Variants in CCDC88C observed in about 807,000 individuals in gnomAD.
CCDC88C encodes protein Daple.
Under a neutral mutation model 198.8 loss-of-function variants are expected in CCDC88C, and 131 were observed. The ratio of observed to expected loss-of-function variants is 0.66; its 90% CI spans 0.57 to 0.76. The LOEUF (loss-of-function observed/expected upper bound fraction) is 0.76. CCDC88C is among the 30% of genes least tolerant of loss of function. The probability of loss-of-function intolerance (pLI) is 0.00; values close to 1 mark genes in which losing one functional copy is unlikely to be tolerated. For missense variants in CCDC88C, 2,553 were observed against 2,631.6 expected, an observed-to-expected ratio of 0.97 and a Z score of 0.65; for synonymous variants, 1,166 against 1,114.7, an observed-to-expected ratio of 1.05 and a Z score of -0.92.
chr14:91,306,198 C>T (rs1365324101), intron 18 of CCDC88C, among the ~76,000 whole-genome samples: 1 of 152,174 alleles, frequency 6.6e-6, no homozygotes, highest in Non-Finnish European at 1.5e-5. Context: ...TCCTTTGTCT[C>T]TTTAATGCTT....
intron 28 of CCDC88C, 55 bp from the exon 29 acceptor site, chr14:91,278,266 T>A: frequency 6.6e-7 from 1 of 1,516,622 alleles, no homozygotes; most frequent in Non-Finnish European, 8.9e-7. Context: ...AGCCCTCTGG[T>A]GGCTTCTAGA....
chr14:91,351,397 C>G (rs1247566189), intron 4 of CCDC88C, among the ~76,000 whole-genome samples: 2 of 152,208 alleles, frequency 1.3e-5, no homozygotes, highest in African/African-American at 4.8e-5. Flanking sequence ...TCTGAGGGCC[C>G]TCCTGAGGGC....
In CCDC88C at chr14:91,289,208, C is replaced by T. The variant is rs776494698; in HGVS notation, c.4338G>A (p.Ala1446=). Residue 1446 remains alanine (A), a synonymous_variant, in exon 25 of 30, where the codon GCG becomes GCA. Coordinates refer to ENST00000389857, the MANE Select transcript of CCDC88C (RefSeq NM_001080414.4). ...QLESSDPASP[A]ASQPLRSQAE... Reference sequence around the variant, plus strand: ...CCTGTGATCTGAGCGGCTGAGAGGCCGCCGGCGAGGCGGGGTCTGAGGACT... The same window carrying T: ...CCTGTGATCTGAGCGGCTGAGAGGCTGCCGGCGAGGCGGGGTCTGAGGACT... 24 of 1,613,952 alleles carry T rather than the reference C, an allele frequency of 1.5e-5. No homozygotes were observed. Among genetic ancestry groups the T allele is most frequent in the South Asian group, 5.5e-5 (5 of 91,082 alleles).
At chr14:91,358,324 T>C (rs1477323460) in intron 4 of CCDC88C, among the ~76,000 whole-genome samples, 1 of 152,196 alleles carries the variant, frequency 6.6e-6, no homozygotes, top group Non-Finnish European at 1.5e-5. Context: ...CGAGTCCCTT[T>C]TGGAAATGTC....
At chr14:91,364,543 G>T (rs780495489) in intron 3 of CCDC88C, among the ~76,000 whole-genome samples, 1 of 152,092 alleles carries the variant, frequency 6.6e-6, no homozygotes, top group Non-Finnish European at 1.5e-5. Context: ...TCTCACAAGG[G>T]GAGAGGGCCC....
Position 91,300,543 on chromosome 14 carries a change from C to T in CCDC88C, c.3636-473G>A, listed in dbSNP as rs181564842. Among the ~76,000 whole-genome samples, 19 of 152,346 alleles carry T rather than the reference C, an allele frequency of 1.2e-4. No homozygotes were observed. In the East Asian group the frequency reaches 3.7e-3, roughly 29 times the overall value. ...AAGGGCTGGAGAAGCCTCTCCCTCT[C>T]CCCTTAGGAGCCTGCATCCACTTGT... On this transcript the variant is annotated intron_variant, in intron 20 of 29. Transcript: ENST00000389857.
intron 3 of CCDC88C, among the ~76,000 whole-genome samples, chr14:91,362,500 GT>G (rs1454870358): frequency 6.6e-6 from 1 of 152,212 alleles, no homozygotes; most frequent in Non-Finnish European, 1.5e-5. Flanking sequence ...TTATGTGAAT[GT>G]TAATCTAAGC....
intron 4 of CCDC88C, among the ~76,000 whole-genome samples, chr14:91,354,727 G>A (rs1179601636): frequency 6.6e-6 from 1 of 152,142 alleles, no homozygotes; most frequent in Non-Finnish European, 1.5e-5. Context: ...TATTTACTGA[G>A]CACCTACTAC....
intron 3 of CCDC88C, among the ~76,000 whole-genome samples, chr14:91,389,089 A>T (rs1885321886): frequency 6.6e-6 from 1 of 152,220 alleles, no homozygotes; most frequent in Non-Finnish European, 1.5e-5. Flanking sequence ...TGAAGTACAC[A>T]GAGACACTCC....
chr14:91,319,851 C>G (rs1892272426), intron 13 of CCDC88C, among the ~76,000 whole-genome samples: 1 of 151,906 alleles, frequency 6.6e-6, no homozygotes. Context: ...CATGGCAAAA[C>G]CCCGTCTCTA....
rs1179685333 is a variant in CCDC88C at position 91,303,904 on chromosome 14, C to T, written c.3432G>A (p.Thr1144=). 8.7e-6 allele frequency: 14 copies of T among 1,612,676 alleles called. No individual in the cohort carries two copies. Among genetic ancestry groups the T allele is most frequent in the Non-Finnish European group, 1.1e-5 (13 of 1,179,884 alleles). ...AQYTLLQNHH[T]AKETENESLQ... ...GGCTTTCGTTCTCCGTCTCCTTGGCCGTGTGGTGGTTCTGCAGCAGCGTGT... is the reference window on the plus strand; with the variant it reads ...GGCTTTCGTTCTCCGTCTCCTTGGCTGTGTGGTGGTTCTGCAGCAGCGTGT... Residue 1144 remains threonine (T), a synonymous_variant, in exon 20 of 30, where the codon ACG becomes ACA. Transcript: ENST00000389857.
chr14:91,271,811 C>T lies in CCDC88C; in HGVS notation c.*814G>A, dbSNP rs967429537. On this transcript the variant is annotated 3_prime_UTR_variant, in exon 30 of 30. Transcript: ENST00000389857. The stretch of plus-strand genomic sequence containing the variant: ...ACCTCGCTCTGTGCGGATGACCCCT[C>T]GGTGCACTGTGCACACTGGCCTGGA... 28 of 152,648 alleles carry T rather than the reference C, an allele frequency of 1.8e-4. No individual in the cohort carries two copies. Among genetic ancestry groups the T allele is most frequent in the African/African-American group, 6.0e-4 (25 of 41,472 alleles). 9.5% of individuals were successfully genotyped at this position (152,648 alleles called of 1,614,324 possible).
intron 20 of CCDC88C, 131 bp downstream of exon 20, chr14:91,303,570 C>G: frequency 1.0e-6 from 1 of 955,686 alleles, no homozygotes; most frequent in Non-Finnish European, 1.5e-6. Context: ...CCAGGCTCCA[C>G]CCATCTTCCC....
chr14:91,339,941 C>G lies in CCDC88C; in HGVS notation c.567G>C (p.Ser189=). ...TCCGCAGGTGGAGCACCATGCTCCTCGACAGGGCCTCCAGCTCCTCCGGAG... is the reference window on the plus strand; with the variant it reads ...TCCGCAGGTGGAGCACCATGCTCCTGGACAGGGCCTCCAGCTCCTCCGGAG... ...DVAPEELEAL[S]RSMVLHLRRL... is the part of the protein sequence containing the mutation. Residue 189 remains serine (S), a synonymous_variant, in exon 7 of 30, where the codon TCG becomes TCC. Transcript: ENST00000389857. The surrounding 1 kb of genome is among the most constrained non-coding windows in gnomAD (Gnocchi z 5.8). 1 of 1,597,972 alleles carries G rather than the reference C, an allele frequency of 6.3e-7. No individual in the cohort carries two copies. The highest frequency in any genetic ancestry group is 1.3e-5 in the African/African-American group (1 of 74,652).
intron 3 of CCDC88C, among the ~76,000 whole-genome samples, chr14:91,399,768 G>A (rs1366093690): frequency 8.6e-5 from 13 of 151,212 alleles, no homozygotes; most frequent in Non-Finnish European, 1.9e-4. Context: ...GAACCCAGGA[G>A]GCAGAGGTTG....
At position 91,315,632 on chromosome 14, in the gene CCDC88C, A is replaced by G; in HGVS notation, c.1665+18T>C. ...AGGCAGGGGTTCTAGGAGAGGCGTTAGTGGTGGAGGCACCTACCTGCCTGG... is the reference window on the plus strand; with the variant it reads ...AGGCAGGGGTTCTAGGAGAGGCGTTGGTGGTGGAGGCACCTACCTGCCTGG... On this transcript the variant is annotated intron_variant, in intron 14 of 29. Coordinates refer to ENST00000389857, the MANE Select transcript of CCDC88C (RefSeq NM_001080414.4). 1 of 1,613,628 alleles carries G rather than the reference A, an allele frequency of 6.2e-7. No individual in the cohort carries two copies.
chr14:91,378,187 G>A (rs1363702941), intron 3 of CCDC88C, among the ~76,000 whole-genome samples: 1 of 152,208 alleles, frequency 6.6e-6, no homozygotes, highest in Non-Finnish European at 1.5e-5. Flanking sequence ...CAGTAGTTGA[G>A]GAAGTGCAAA....
rs1384159203 is a variant in CCDC88C at position 91,284,486 on chromosome 14, C to A, written c.4442-969G>T. Among the ~76,000 whole-genome samples the A allele has an allele frequency of 1.3e-5, 2 of 152,166 alleles. No individual in the cohort carries two copies. Among genetic ancestry groups the A allele is most frequent in the Admixed American group, 1.3e-4 (2 of 15,286 alleles). Reference sequence around the variant, plus strand: ...TCGGGACAGGTGGAATGAATCGGGACAGGTCATCCTACAGGTGAAGCTAAA... The same window carrying A: ...TCGGGACAGGTGGAATGAATCGGGAAAGGTCATCCTACAGGTGAAGCTAAA... On this transcript the variant is annotated intron_variant, in intron 25 of 29. Coordinates refer to ENST00000389857, the MANE Select transcript of CCDC88C (RefSeq NM_001080414.4). This position sits in a 1 kb window ranked among gnomAD's most constrained non-coding sequence, Gnocchi z 4.1.
intron 5 of CCDC88C, among the ~76,000 whole-genome samples, chr14:91,343,366 G>T (rs1292521581): frequency 6.6e-6 from 1 of 152,118 alleles, no homozygotes; most frequent in African/African-American, 2.4e-5. Context: ...ATTTGCTAAT[G>T]GTACCCTGGC....
Sources: allele counts gnomAD v4.1 joint callset (sites outside exome capture counted in the v4.1 genomes callset), GRCh38; gene constraint gnomAD v4.1.1; non-coding constraint Gnocchi (gnomAD v3.1); transcripts MANE v1.5; gene names NCBI Gene and HGNC (gene_info 2026-07-23, HGNC 2026-07-21).